PTPRD: variants seen among roughly 807,000 people sequenced by gnomAD.
PTPRD encodes the protein receptor-type tyrosine-protein phosphatase delta.
A neutral mutation model predicts 214.5 loss-of-function variants in PTPRD; 34 were observed. The ratio of observed to expected loss-of-function variants is 0.16; its 90% CI spans 0.12 to 0.21. PTPRD has a LOEUF of 0.21. Among genes scored for constraint, PTPRD ranks in the 10% least tolerant of loss-of-function variants. PTPRD has a pLI of 1.00. For synonymous variants in PTPRD, 1,128 were observed against 845.7 expected (o/e 1.33, Z -5.79); for missense variants, 2,545 against 2,398.7 (o/e 1.06, Z -1.27).
chr9:9,330,865 T>TA (rs2042045308), intron 9 of PTPRD, among the ~76,000 whole-genome samples: 1 of 151,606 alleles, frequency 6.6e-6, no homozygotes, highest in South Asian at 2.1e-4. Context: ...ATTGATTTAT[T>TA]AAAAATGTCA....
chr9:9,203,350 T>C (rs1269494166), intron 9 of PTPRD, among the ~76,000 whole-genome samples: 1 of 152,174 alleles, frequency 6.6e-6, no homozygotes, highest in African/African-American at 2.4e-5. Context: ...ATAGTAGAGC[T>C]TGGACTTTAT....
At chr9:10,120,103 A>C (rs568720030) in intron 3 of PTPRD, among the ~76,000 whole-genome samples, 6 of 152,154 alleles carry the variant, frequency 3.9e-5, no homozygotes, top group African/African-American at 1.4e-4. Flanking sequence ...ATGCTGCATA[A>C]GAAAACAAAA....
intron 10 of PTPRD, among the ~76,000 whole-genome samples, chr9:9,020,644 T>C (rs1431560728): frequency 6.6e-6 from 1 of 152,154 alleles, no homozygotes; most frequent in African/African-American, 2.4e-5. Context: ...AAGAATTCCA[T>C]TTTGTACATA....
At chr9:10,458,018 C>G (rs559914790) in intron 2 of PTPRD, among the ~76,000 whole-genome samples, 2 of 151,716 alleles carry the variant, frequency 1.3e-5, no homozygotes, top group Non-Finnish European at 2.9e-5. Context: ...AAATAGAAAG[C>G]CTGAACAGAC....
At position 8,500,746 on chromosome 9, in the gene PTPRD, C is replaced by G. The variant is rs373760731; in HGVS notation, c.2128+8G>C. ...AGGGTGCAAACTGACGTAGCGGAGG[C>G]AACATACCATCTTCATTGGTTCGAA... On this transcript the variant is annotated splice_region_variant and intron_variant, in intron 24 of 45. Coordinates refer to ENST00000381196, the MANE Select transcript of PTPRD (RefSeq NM_002839.4). 6.2e-7 allele frequency: 1 copy of G among 1,613,476 alleles called. No homozygotes were observed. The highest frequency in any genetic ancestry group is 1.3e-5 in the African/African-American group (1 of 74,980).
chr9:8,398,166 C>T (rs1191840614), intron 36 of PTPRD, among the ~76,000 whole-genome samples: 1 of 152,148 alleles, frequency 6.6e-6, no homozygotes, highest in Non-Finnish European at 1.5e-5. Context: ...TAAAGATAAT[C>T]TTAACAATTC....
chr9:9,626,053 A>T (rs1410832755), intron 7 of PTPRD, among the ~76,000 whole-genome samples: 1 of 152,176 alleles, frequency 6.6e-6, no homozygotes, highest in Non-Finnish European at 1.5e-5. Context: ...TTACAACTGG[A>T]CTTTACTTGC....
intron 4 of PTPRD, among the ~76,000 whole-genome samples, chr9:10,007,856 C>T (rs943011709): frequency 6.6e-6 from 1 of 151,782 alleles, no homozygotes; most frequent in Non-Finnish European, 1.5e-5. Flanking sequence ...TATTTATCAG[C>T]CAATAGTTAC....
chr9:9,909,132 T>C (rs1198631746), intron 5 of PTPRD, among the ~76,000 whole-genome samples: 2 of 151,882 alleles, frequency 1.3e-5, no homozygotes, highest in Admixed American at 6.6e-5. Context: ...GTAGATGTAA[T>C]GATTTTTGAT....
Position 9,923,489 on chromosome 9 carries a change from A to AC in PTPRD, c.-368+15017_-368+15018insG, listed in dbSNP as rs1192127275. Among the ~76,000 whole-genome samples the AC allele has an allele frequency of 1.8e-4, 28 of 151,812 alleles. 1 individual carries two copies. In the Middle Eastern group the frequency reaches 0.01, roughly 55 times the overall value. On this transcript the variant is annotated intron_variant, in intron 5 of 45. Coordinates refer to ENST00000381196, the MANE Select transcript of PTPRD (RefSeq NM_002839.4). ...GAAGAAAATTTCTGAGCACACACAA[A>AC]AAAATCGATCTCCAAACGAAATCAG...
At chr9:9,117,237 T>TTTTTG (rs762711027) in intron 10 of PTPRD, among the ~76,000 whole-genome samples, 2,123 of 147,414 alleles carry the variant, frequency 0.014, 31 homozygotes, top group East Asian at 0.062. Flanking sequence ...TTTTTTTTTG[T>TTTTTG]ACTTTCAGGG....
chr9:8,543,584 T>C (rs532316693), intron 14 of PTPRD, among the ~76,000 whole-genome samples: 10 of 152,372 alleles, frequency 6.6e-5, no homozygotes, highest in African/African-American at 2.2e-4. Flanking sequence ...TACAGCTTTG[T>C]ATATTATACA....
chr9:10,378,005 T>G (rs2097761777), intron 2 of PTPRD, among the ~76,000 whole-genome samples: 1 of 152,092 alleles, frequency 6.6e-6, no homozygotes, highest in Non-Finnish European at 1.5e-5. Context: ...ATAGTGGTCG[T>G]ATTAATTTAC....
rs181483088 is a variant in PTPRD, at chr9:9,493,304, G to C, written c.-237+81428C>G. Among the ~76,000 whole-genome samples the C allele has an allele frequency of 4.3e-4, 65 of 152,144 alleles. No individual in the cohort carries two copies. The East Asian group carries it at 6.6e-3, about 15-fold the overall frequency. ...TACCAAATTTTTAAAGCCCATTGTG[G>C]AGAACTTCTGCTCAGATAAAAAGAT... On this transcript the variant is annotated intron_variant, in intron 8 of 45. Transcript: ENST00000381196.
At chr9:9,985,715 A>T (rs2095686764) in intron 4 of PTPRD, among the ~76,000 whole-genome samples, 1 of 152,036 alleles carries the variant, frequency 6.6e-6, no homozygotes. Context: ...CATAAATATA[A>T]GTGATATTAG....
intron 3 of PTPRD, among the ~76,000 whole-genome samples, chr9:10,061,987 G>A (rs917366495): frequency 4.6e-5 from 7 of 151,918 alleles, no homozygotes; most frequent in African/African-American, 1.7e-4. Flanking sequence ...GCCTTAACAA[G>A]CCCTCCAGGG....
chr9:10,185,241 G>C (rs1316810230), intron 3 of PTPRD, among the ~76,000 whole-genome samples: 1 of 152,076 alleles, frequency 6.6e-6, no homozygotes, highest in Non-Finnish European at 1.5e-5. Context: ...TTTAATGAGA[G>C]TACAAAAGCG....
chr9:8,980,821 C>A lies in PTPRD; in HGVS notation c.-104+37876G>T, dbSNP rs1433537. Reference sequence around the variant, plus strand: ...CCAATCCCTGGGGACTTACGGTGTACATTTATGAATCATGTAGGGCAAAGG... The same window carrying A: ...CCAATCCCTGGGGACTTACGGTGTAAATTTATGAATCATGTAGGGCAAAGG... On this transcript the variant is annotated intron_variant, in intron 11 of 45. Coordinates refer to ENST00000381196, the MANE Select transcript of PTPRD (RefSeq NM_002839.4). 5.6e-4 allele frequency among the ~76,000 whole-genome samples: 85 copies of A among 152,224 alleles called. 1 individual carries two copies. The highest frequency in any genetic ancestry group is 1.9e-3 in the African/African-American group (81 of 41,552).
At position 8,504,450 on chromosome 9, in the gene PTPRD, C is replaced by A. The variant is rs762600803; in HGVS notation, c.1678-45G>T. On this transcript the variant is annotated intron_variant, in intron 22 of 45. Transcript: ENST00000381196. Reference sequence around the variant, plus strand: ...GTGGTCATCTTCATTAAGGTTCATGCAAATACTTTTTAATCATACTGTCTG... The same window carrying A: ...GTGGTCATCTTCATTAAGGTTCATGAAAATACTTTTTAATCATACTGTCTG... 15 of 1,606,630 alleles carry A rather than the reference C, an allele frequency of 9.3e-6. No homozygotes were observed. In the African/African-American group the frequency reaches 1.5e-4, roughly 16 times the overall value.
Sources: gnomAD v4.1 joint callset for allele counts (sites outside exome capture counted in the v4.1 genomes callset) on GRCh38, gnomAD v4.1.1 for gene constraint, MANE v1.5 for transcripts, NCBI Gene and HGNC (gene_info 2026-07-23, HGNC 2026-07-21) for gene names.